GALK1: variants seen among roughly 807,000 people sequenced by gnomAD.
GALK1 encodes galactokinase.
Under a neutral mutation model 38.6 loss-of-function variants are expected in GALK1, and 30 were observed. The observed-to-expected ratio is 0.78, with a 90% confidence interval of 0.58 to 1.05. The LOEUF (loss-of-function observed/expected upper bound fraction) is 1.05, where lower values mean the gene tolerates loss of function less well. Ranked by LOEUF, GALK1 falls within the 50% of genes least tolerant of loss-of-function variation. GALK1 has a pLI of 0.00. For missense variants in GALK1, 512 were observed against 540.5 expected, an observed-to-expected ratio of 0.95 and a Z score of 0.52; for synonymous variants, 240 against 233.6, an observed-to-expected ratio of 1.03 and a Z score of -0.25.
chr17:75,753,926 G>A, downstream of GALK1: 2 of 1,285,014 alleles, frequency 1.6e-6, no homozygotes, highest in African/African-American at 1.6e-5. Context: ...CGGCGCGGGC[G>A]GGAAGGGCGG....
chr17:75,752,067 C>G (rs1351985818), intron 8 of GALK1: 2 of 1,243,370 alleles, frequency 1.6e-6, no homozygotes, highest in South Asian at 1.2e-5. Context: ...GCTTCCCCAG[C>G]CCCTGGGTGC....
chr17:75,762,821 T>C lies in GALK1; in HGVS notation c.676A>G (p.Asn226Asp). ...CTGGAGGCCAGGGAGTGGCGGACATTAGAGTTGGTGATGAGCACGGCCAGC... is the reference window on the plus strand; with the variant it reads ...CTGGAGGCCAGGGAGTGGCGGACATCAGAGTTGGTGATGAGCACGGCCAGC... ...PKLAVLITNS[N>D]VRHSLASSEY... The change falls in exon 5 of 8, where the codon AAT becomes GAT. Residue 226 changes from asparagine (N) to aspartate (D), a missense_variant. Asn to Asp is a conservative substitution (Grantham distance 23). Transcript: ENST00000588479. 1 of 1,613,562 alleles carries C rather than the reference T, an allele frequency of 6.2e-7. No individual in the cohort carries two copies. Among genetic ancestry groups the C allele is most frequent in the South Asian group, 1.1e-5 (1 of 91,078 alleles).
In GALK1 at chr17:75,762,839, C is replaced by T. The variant is rs746635166; in HGVS notation, c.658G>A (p.Val220Met). The T allele has an allele frequency of 4.3e-6, 7 of 1,613,512 alleles. No homozygotes were observed. Among genetic ancestry groups the T allele is most frequent in the Middle Eastern group, 1.6e-4 (1 of 6,082 alleles). Residue 220 changes from valine (V) to methionine (M), a missense_variant, in exon 5 of 8, where the codon GTG becomes ATG. Transcript: ENST00000588479. ...LVPLSDPKLA[V>M]LITNSNVRHS... ...CGGACATTAGAGTTGGTGATGAGCA[C>T]GGCCAGCTTGGGGTCCGAGAGTGGC...
chr17:75,765,073 C>G lies in GALK1; in HGVS notation c.64G>C (p.Glu22Gln). Residue 22 changes from glutamate (E) to glutamine (Q), a missense_variant, in exon 1 of 8, where the codon GAG becomes CAG. Glu to Gln is a conservative substitution (Grantham distance 29). Transcript: ENST00000588479. ...AGCTCGGGCTCGGCCCCGAACTCCT[C>G]CCGGAAGGCTCGCCGGGCCTCGGCC... ...LLAEARRAFR[E>Q]EFGAEPELAV... 6.3e-7 allele frequency: 1 copy of G among 1,599,986 alleles called. No individual in the cohort carries two copies. The highest frequency in any genetic ancestry group is 8.5e-7 in the Non-Finnish European group (1 of 1,174,324).
downstream of GALK1, chr17:75,754,945 C>T (rs779944362): frequency 2.1e-5 from 30 of 1,450,026 alleles, no homozygotes; most frequent in South Asian, 5.8e-5. Context: ...CACACATGCA[C>T]GCACACACGT....
At chr17:75,755,147 C>G (rs199859829), downstream of GALK1, 11 of 1,611,900 alleles carry the variant, frequency 6.8e-6, no homozygotes, top group East Asian at 6.7e-5. Context: ...AGGGTTCCCC[C>G]CTTCCAGGGG....
rs374566360 is a variant in GALK1 at position 75,758,227 on chromosome 17, C to T, written c.1090G>A (p.Ala364Thr). Residue 364 changes from alanine to threonine, a missense_variant, in exon 7 of 8, where the codon GCC (alanine) becomes ACC (threonine). Ala to Thr is a moderately conservative substitution (Grantham distance 58, BLOSUM62 0). Coordinates refer to ENST00000588479, the MANE Select transcript of GALK1 (RefSeq NM_000154.2). Reference sequence around the variant, plus strand: ...CCGCCCACCTGGATGTGCCGCATGGCGTGGGGAGCAGCGGAGGCCTCCAGC... The same window carrying T: ...CCGCCCACCTGGATGTGCCGCATGGTGTGGGGAGCAGCGGAGGCCTCCAGC... ...TLLEASAAPH[A>T]MRHIQEHYGG... is the part of the protein sequence containing the mutation. The T allele has an allele frequency of 2.3e-5, 37 of 1,605,014 alleles. No homozygotes were observed. Among genetic ancestry groups the T allele is most frequent in the African/African-American group, 9.4e-5 (7 of 74,856 alleles).
At chr17:75,764,176 TC>T in intron 1 of GALK1, 90 bp from the exon 2 acceptor site, 1 of 1,172,940 alleles carries the variant, frequency 8.5e-7, no homozygotes, top group Non-Finnish European at 1.2e-6. Flanking sequence ...TTCTGATGCC[TC>T]CACAGTCATC....
At chr17:75,754,763 C>T (rs1346164412), downstream of GALK1, 3 of 1,612,662 alleles carry the variant, frequency 1.9e-6, no homozygotes, top group Non-Finnish European at 2.5e-6. Flanking sequence ...AACACTCACA[C>T]TCGACCACAC....
Position 75,758,496 on chromosome 17 carries a change from G to A in GALK1, c.897C>T (p.Asp299=). 1.3e-6 allele frequency: 2 copies of A among 1,578,586 alleles called. No homozygotes were observed. Among genetic ancestry groups the A allele is most frequent in the Non-Finnish European group, 1.7e-6 (2 of 1,165,078 alleles). The change falls in exon 6 of 8, where the codon GAC becomes GAT. Residue 299 remains aspartate, a synonymous_variant. Transcript: ENST00000588479. ...AQAAAALRRG[D]YRAFGRLMVE... is the part of the protein sequence containing the mutation. Reference sequence around the variant, plus strand: ...CCATGAGGCGGCCAAAGGCTCTGTAGTCGCCACGTCTCAGGGCGGCCGCTG... The same window carrying A: ...CCATGAGGCGGCCAAAGGCTCTGTAATCGCCACGTCTCAGGGCGGCCGCTG...
downstream of GALK1, chr17:75,754,887 T>G (rs1372180233): frequency 6.2e-7 from 1 of 1,603,798 alleles, no homozygotes; most frequent in African/African-American, 1.3e-5. Flanking sequence ...GCCTCGGGCT[T>G]CTGTCTGCTG....
downstream of GALK1, chr17:75,756,440 C>T (rs200760979): frequency 6.3e-5 from 101 of 1,613,246 alleles, 1 homozygote; most frequent in Middle Eastern, 3.3e-4. Flanking sequence ...TGAGCTGCAT[C>T]GGCTCAACAT....
At chr17:75,751,664 C>T in exon 9 of GALK1, 1 of 216,296 alleles carries the variant, frequency 4.6e-6, no homozygotes, top group South Asian at 6.6e-5. Context: ...TCACTTGAAC[C>T]CAGAAGGCGC....
downstream of GALK1, chr17:75,754,476 C>A: frequency 6.6e-7 from 1 of 1,513,522 alleles, no homozygotes; most frequent in Non-Finnish European, 9.1e-7. Flanking sequence ...GCAAAAGCCA[C>A]CCAGAGGGTG....
At chr17:75,755,725 C>T (rs763786590), downstream of GALK1, 9 of 1,612,814 alleles carry the variant, frequency 5.6e-6, no homozygotes, top group African/African-American at 1.3e-5. Flanking sequence ...GCTGGTGTGC[C>T]CGACACGCCC....
intron 2 of GALK1, 138 bp downstream of exon 2, chr17:75,763,759 A>T: frequency 1.1e-6 from 1 of 928,304 alleles, no homozygotes; most frequent in Non-Finnish European, 1.7e-6. Context: ...TGGGGGCATC[A>T]GTTTCCTCAT....
rs1474120119 is a variant in GALK1, at chr17:75,763,408, C to T, written c.387G>A (p.Val129=). The stretch of plus-strand genomic sequence containing the variant: ...CACCCCCCAGGGGCACTGAGCTGAC[C>T]ACCACTGCACTGAAGCCAGGGAGGG... ...AAPLPGFSAV[V]VSSVPLGGGL... is the part of the protein sequence containing the mutation. The change falls in exon 3 of 8, where the codon GTG becomes GTA. Residue 129 remains valine, a synonymous_variant. Transcript: ENST00000588479. 1 of 1,610,812 alleles carries T rather than the reference C, an allele frequency of 6.2e-7. No homozygotes were observed. Among genetic ancestry groups the T allele is most frequent in the South Asian group, 1.1e-5 (1 of 90,520 alleles).
At chr17:75,760,780 A>C (rs1017834373) in intron 5 of GALK1, among the ~76,000 whole-genome samples, 1 of 151,552 alleles carries the variant, frequency 6.6e-6, no homozygotes, top group African/African-American at 2.4e-5. Context: ...AGTCTCAAAG[A>C]AAAAAAAGAG....
intron 8 of GALK1, chr17:75,752,531 A>G (rs1599306889): frequency 6.2e-7 from 1 of 1,613,660 alleles, no homozygotes; most frequent in Non-Finnish European, 8.5e-7. Flanking sequence ...ATGACGTTCT[A>G]CGCTCTCCAT....
Sources: allele counts gnomAD v4.1 joint callset (sites outside exome capture counted in the v4.1 genomes callset), GRCh38; gene constraint gnomAD v4.1.1; transcripts MANE v1.5; gene names NCBI Gene and HGNC (gene_info 2026-07-23, HGNC 2026-07-21).